Variants in MTUS2 observed in about 807,000 individuals in gnomAD.
The protein encoded by MTUS2 is microtubule associated scaffold protein 2.
Under a neutral mutation model 114.1 loss-of-function variants are expected in MTUS2, and 40 were observed. The ratio of observed to expected loss-of-function variants is 0.35; its 90% CI spans 0.27 to 0.46. The LOEUF (loss-of-function observed/expected upper bound fraction) is 0.46. Among genes scored for constraint, MTUS2 ranks in the 20% least tolerant of loss-of-function variants. The probability of loss-of-function intolerance (pLI) is 1.00; values close to 1 mark genes in which losing one functional copy is unlikely to be tolerated. For synonymous variants in MTUS2, 688 were observed against 672.0 expected (o/e 1.02, Z -0.37); for missense variants, 1,679 against 1,705.4 (o/e 0.98, Z 0.27).
intron 8 of MTUS2, among the ~76,000 whole-genome samples, chr13:29,421,802 G>A (rs1166247849): frequency 6.6e-6 from 1 of 152,228 alleles, no homozygotes; most frequent in African/African-American, 2.4e-5. Context: ...TGGAGGAGGT[G>A]AGGTGGTGCT....
At chr13:29,263,453 G>A (rs559915835) in intron 5 of MTUS2, among the ~76,000 whole-genome samples, 33 of 152,270 alleles carry the variant, frequency 2.2e-4, no homozygotes, top group Non-Finnish European at 2.1e-4. Context: ...AGTGAAATGC[G>A]TCTCTGTTAG....
At chr13:29,021,378 A>G (rs1886285007) in intron 2 of MTUS2, among the ~76,000 whole-genome samples, 1 of 151,320 alleles carries the variant, frequency 6.6e-6, no homozygotes, top group Non-Finnish European at 1.5e-5. Context: ...TGACAAAGAT[A>G]AAGAACATTT....
chr13:29,076,919 T>A (rs1480553073), intron 4 of MTUS2, among the ~76,000 whole-genome samples: 1 of 152,224 alleles, frequency 6.6e-6, no homozygotes, highest in East Asian at 1.9e-4. Context: ...GCAATAGCAA[T>A]GCCTATCATT....
intron 2 of MTUS2, among the ~76,000 whole-genome samples, chr13:28,931,670 ATATTG>A (rs929689318): frequency 1.1e-4 from 17 of 151,486 alleles, no homozygotes; most frequent in Non-Finnish European, 2.9e-5. Context: ...ATGACTGTTT[ATATTG>A]TATTAGGTAT....
intron 2 of MTUS2, among the ~76,000 whole-genome samples, chr13:28,977,107 C>G (rs907307935): frequency 2.0e-5 from 3 of 151,990 alleles, no homozygotes; most frequent in African/African-American, 7.3e-5. Flanking sequence ...GTACATAACC[C>G]TGGGTTCACA....
intron 2 of MTUS2, among the ~76,000 whole-genome samples, chr13:28,988,611 T>C (rs1884690945): frequency 6.6e-6 from 1 of 152,172 alleles, no homozygotes; most frequent in Non-Finnish European, 1.5e-5. Flanking sequence ...TAACAAAGCT[T>C]TTAGTAAACT....
intron 7 of MTUS2, among the ~76,000 whole-genome samples, chr13:29,354,984 C>A (rs1041293206): frequency 5.9e-5 from 9 of 152,208 alleles, no homozygotes; most frequent in Non-Finnish European, 1.2e-4. Flanking sequence ...TCCTATAATT[C>A]TTTGCCTTCT....
chr13:28,966,738 A>AC (rs1316632390), intron 2 of MTUS2, among the ~76,000 whole-genome samples: 29 of 151,620 alleles, frequency 1.9e-4, no homozygotes, highest in Non-Finnish European at 3.7e-4. Flanking sequence ...AAAAAAAAAA[A>AC]AAAAAAAAAA....
At chr13:28,896,501 C>T (rs1353685820) in intron 2 of MTUS2, among the ~76,000 whole-genome samples, 3 of 152,116 alleles carry the variant, frequency 2.0e-5, no homozygotes, top group Non-Finnish European at 4.4e-5. Context: ...GATTCAATGC[C>T]ATCCCCATCA....
At position 29,390,159 on chromosome 13, in the gene MTUS2, CACTT is replaced by C. The variant is rs1308800485; in HGVS notation, c.3117+30687_3117+30690del. Among the ~76,000 whole-genome samples, 155 of 108,104 alleles carry C rather than the reference CACTT, an allele frequency of 1.4e-3. 2 individuals are homozygous for C. Among genetic ancestry groups the C allele is most frequent in the African/African-American group, 3.5e-3 (130 of 37,234 alleles). 70.9% of individuals were successfully genotyped at this position (108,104 alleles called of 152,430 possible). A position where few individuals can be genotyped will look rare whatever the true frequency, so the allele number is the denominator to read the frequency against. On this transcript the variant is annotated intron_variant, in intron 8 of 15. Transcript: ENST00000612955. ...CTGACTATATATATATACACACACA[CACTT>C]GTGTGTGTGTGTGTTTATGAATATA...
chr13:29,083,233 A>T (rs1889524713), intron 4 of MTUS2, among the ~76,000 whole-genome samples: 1 of 151,778 alleles, frequency 6.6e-6, no homozygotes, highest in Admixed American at 6.6e-5. Context: ...TCTTCTGTGA[A>T]CTCCTTGGTG....
chr13:29,424,656 G>C (rs1876371788), intron 8 of MTUS2, among the ~76,000 whole-genome samples: 1 of 152,148 alleles, frequency 6.6e-6, no homozygotes, highest in Non-Finnish European at 1.5e-5. Context: ...TCACCTCTGA[G>C]ATGTTATCCC....
In MTUS2 at chr13:29,026,381, C is replaced by T. The variant is rs376749747; in HGVS notation, c.1683C>T (p.Phe561=). 36 of 1,613,754 alleles carry T rather than the reference C, an allele frequency of 2.2e-5. No homozygotes were observed. The highest frequency in any genetic ancestry group is 8.8e-5 in the South Asian group (8 of 91,068). Residue 561 remains phenylalanine (F), a synonymous_variant, in exon 3 of 16, where the codon TTC becomes TTT. Transcript: ENST00000612955. The part of the protein sequence containing the change: ...PSSSFQDVSV[F]GMDAGSPLVV... ...GCAGTTTTCAGGATGTTAGCGTGTT[C>T]GGTATGGATGCGGGGTCCCCCTTGG...
intron 2 of MTUS2, among the ~76,000 whole-genome samples, chr13:28,912,562 AG>A (rs1182444263): frequency 1.3e-5 from 2 of 152,110 alleles, no homozygotes; most frequent in Non-Finnish European, 2.9e-5. Flanking sequence ...TGTCAATGGT[AG>A]TTTAATGGGA....
intron 6 of MTUS2, among the ~76,000 whole-genome samples, chr13:29,287,256 A>G: frequency 6.6e-6 from 1 of 152,290 alleles, no homozygotes; most frequent in East Asian, 1.9e-4. Context: ...GTCCATTACC[A>G]ATAGATTGCA....
At chr13:28,933,029 G>A (rs1389317962) in intron 2 of MTUS2, among the ~76,000 whole-genome samples, 3 of 151,958 alleles carry the variant, frequency 2.0e-5, no homozygotes, top group Admixed American at 2.0e-4. Context: ...ACATTGTGTT[G>A]TGTGTCTCCT....
intron 4 of MTUS2, among the ~76,000 whole-genome samples, chr13:29,099,337 G>C (rs988477594): frequency 7.2e-5 from 11 of 152,010 alleles, no homozygotes; most frequent in African/African-American, 2.7e-4. Flanking sequence ...GCACTTACTC[G>C]GTTCCTCCCC....
rs1466579760 is a variant in MTUS2 at position 29,505,661 on chromosome 13, G to A, written c.*2455G>A. The A allele has an allele frequency of 4.3e-6, 1 of 230,572 alleles. No homozygotes were observed. Among genetic ancestry groups the A allele is most frequent in the East Asian group, 6.1e-5 (1 of 16,316 alleles). The allele number at this position is 230,572 out of a possible 1,614,324, so 14.3% of individuals were successfully genotyped here. On this transcript the variant is annotated 3_prime_UTR_variant, in exon 16 of 16. Transcript: ENST00000612955. ...AGGCTGGAGCGACGTTTCCACGTTC[G>A]GATGCTGCAGCCTCTGCACCTGCCT...
At chr13:29,283,208 C>G (rs549454317) in intron 6 of MTUS2, among the ~76,000 whole-genome samples, 1 of 152,184 alleles carries the variant, frequency 6.6e-6, no homozygotes, top group Non-Finnish European at 1.5e-5. Flanking sequence ...TCTCCCTGAC[C>G]ACTAGACTAG....
Sources: allele counts gnomAD v4.1 joint callset (sites outside exome capture counted in the v4.1 genomes callset), GRCh38; gene constraint gnomAD v4.1.1; transcripts MANE v1.5; gene names NCBI Gene and HGNC (gene_info 2026-07-23, HGNC 2026-07-21).